Variants in COL5A1 observed in about 807,000 individuals in gnomAD.
COL5A1 encodes the protein collagen alpha-1(V) chain.
Under a neutral mutation model 263.7 loss-of-function variants are expected in COL5A1, and 16 were observed. That is an observed-to-expected ratio of 0.06 (90% confidence interval 0.04 to 0.09). The LOEUF is 0.09. Ranked by LOEUF, COL5A1 falls within the 10% of genes least tolerant of loss-of-function variation. The probability of loss-of-function intolerance (pLI) is 1.00; values close to 1 mark genes in which losing one functional copy is unlikely to be tolerated. For missense variants in COL5A1, 2,036 were observed against 2,540.5 expected (o/e 0.80, Z 4.27); for synonymous variants, 1,012 against 1,004.5 (o/e 1.01, Z -0.14).
chr9:134,842,053 A>T lies in COL5A1; in HGVS notation c.5371-104A>T. The T allele has an allele frequency of 7.3e-7, 1 of 1,375,498 alleles. No individual in the cohort carries two copies. Among genetic ancestry groups the T allele is most frequent in the East Asian group, 2.4e-5 (1 of 42,224 alleles). 85.2% of individuals were successfully genotyped at this position (1,375,498 alleles called of 1,614,324 possible). ...CGCAGCCCTGGGTAGGAGACAGGAC[A>T]CCAGCCTGGGTTTTGGAGCCAGACA... On this transcript the variant is annotated intron_variant, in intron 65 of 65. Coordinates refer to ENST00000371817, the MANE Select transcript of COL5A1 (RefSeq NM_000093.5). The surrounding 1 kb of genome is among the most constrained non-coding windows in gnomAD (Gnocchi z 5.8).
chr9:134,649,657 A>T, intron 1 of COL5A1: 1 of 399,972 alleles, frequency 2.5e-6, no homozygotes, highest in South Asian at 1.9e-5. Flanking sequence ...CAGAAATACC[A>T]TTTGACCTGG....
chr9:134,801,894 G>A (rs1023066065), intron 37 of COL5A1, 60 bp from the exon 38 acceptor site: 2 of 1,502,164 alleles, frequency 1.3e-6, no homozygotes, highest in African/African-American at 1.4e-5. Flanking sequence ...TGAGAACAGT[G>A]CAGGGCAGGG....
intron 18 of COL5A1, among the ~76,000 whole-genome samples, chr9:134,759,196 A>T (rs572820634): frequency 4.0e-5 from 6 of 151,172 alleles, no homozygotes; most frequent in Admixed American, 1.3e-4. Context: ...TGAGTATGTG[A>T]GTGCACACCC....
chr9:134,810,405 T>A (rs751392397), intron 44 of COL5A1, 97 bp downstream of exon 44: 397 of 1,186,234 alleles, frequency 3.3e-4, no homozygotes, highest in Non-Finnish European at 4.6e-4. Context: ...CTTCCAACGT[T>A]GCTGATGACT....
At position 134,731,510 on chromosome 9, in the gene COL5A1, A is replaced by G. The variant is rs764511072; in HGVS notation, c.1179A>G (p.Pro393=). The stretch of plus-strand genomic sequence containing the variant: ...TCCCTCTGCAGCCAGCTCCGCCTCC[A>G]GGGGAAGGTGCGGATGACTTGGAGG... ...TSNSSNPAPP[P]GEGADDLEGE... is the part of the protein sequence containing the mutation. Residue 393 remains proline (P), a synonymous_variant, in exon 8 of 66, where the codon CCA becomes CCG. Transcript: ENST00000371817. The G allele has an allele frequency of 3.7e-6, 6 of 1,614,188 alleles. No individual in the cohort carries two copies. The highest frequency in any genetic ancestry group is 1.6e-4 in the Middle Eastern group (1 of 6,062).
intron 32 of COL5A1, 71 bp from the exon 33 acceptor site, chr9:134,795,011 G>C: frequency 6.5e-7 from 1 of 1,541,256 alleles, no homozygotes; most frequent in Non-Finnish European, 9.0e-7. Flanking sequence ...TCAATAACCC[G>C]GGAGACAGCT....
At chr9:134,728,329 G>C (rs1009848347) in intron 5 of COL5A1, among the ~76,000 whole-genome samples, 9 of 152,258 alleles carry the variant, frequency 5.9e-5, no homozygotes, top group African/African-American at 1.9e-4. Flanking sequence ...GAGCCTGCTG[G>C]AGACATGGTG....
intron 37 of COL5A1, among the ~76,000 whole-genome samples, chr9:134,800,482 C>T (rs1469226022): frequency 6.6e-6 from 1 of 152,200 alleles, no homozygotes; most frequent in Non-Finnish European, 1.5e-5. Context: ...CAGTGGCTCA[C>T]GCCTGCAATC....
intron 4 of COL5A1, among the ~76,000 whole-genome samples, chr9:134,711,797 A>G (rs1269878130): frequency 6.6e-6 from 1 of 151,898 alleles, no homozygotes; most frequent in Non-Finnish European, 1.5e-5. Flanking sequence ...CTCCTGATCC[A>G]AATCCCCGCT....
chr9:134,842,020 C>G lies in COL5A1; in HGVS notation c.5371-137C>G. ...AGCCATATTTCCTCCAACACTTGCC[C>G]GGGCAAGCGCAGCCCTGGGTAGGAG... On this transcript the variant is annotated intron_variant, in intron 65 of 65. Coordinates refer to ENST00000371817, the MANE Select transcript of COL5A1 (RefSeq NM_000093.5). This position sits in a 1 kb window ranked among gnomAD's most constrained non-coding sequence, Gnocchi z 5.8. The G allele has an allele frequency of 2.1e-6, 2 of 946,062 alleles. No homozygotes were observed. Among genetic ancestry groups the G allele is most frequent in the Non-Finnish European group, 1.7e-6 (1 of 599,682 alleles). 58.6% of individuals were successfully genotyped at this position (946,062 alleles called of 1,614,324 possible).
chr9:134,761,964 G>A lies in COL5A1; in HGVS notation c.1975G>A (p.Asp659Asn), dbSNP rs1488529426. The A allele has an allele frequency of 6.2e-6, 10 of 1,613,566 alleles. 1 individual carries two copies. In the South Asian group the frequency reaches 9.9e-5, roughly 16 times the overall value. Residue 659 changes from aspartate (D) to asparagine (N), a missense_variant, in exon 19 of 66, where the codon GAC (aspartate) becomes AAC (asparagine). By Grantham distance (23) the Asp-to-Asn change is conservative. Coordinates refer to ENST00000371817, the MANE Select transcript of COL5A1 (RefSeq NM_000093.5). ...GPSGPPGPPG[D>N]DGERGDDGEV... ...TTCCGGCCCACCAGGACCTCCGGGA[G>A]ACGATGGAGAAAGGGTAGGTATTCT...
At chr9:134,658,162 G>A (rs1341898711) in intron 1 of COL5A1, among the ~76,000 whole-genome samples, 2 of 152,060 alleles carry the variant, frequency 1.3e-5, no homozygotes, top group African/African-American at 4.8e-5. Context: ...GGGGCTTTCT[G>A]CCCAGGGCAG....
At chr9:134,666,254 A>G (rs1475661736) in intron 1 of COL5A1, among the ~76,000 whole-genome samples, 9 of 152,072 alleles carry the variant, frequency 5.9e-5, no homozygotes, top group Admixed American at 2.6e-4. Flanking sequence ...TCATCCACTC[A>G]TTTTACAGGT....
chr9:134,759,712 A>C (rs536667009), intron 18 of COL5A1, among the ~76,000 whole-genome samples: 1,243 of 55,272 alleles, frequency 0.022, 17 homozygotes, highest in Non-Finnish European at 0.031. Flanking sequence ...ACATGCACAC[A>C]CCCCCCCACC....
intron 32 of COL5A1, among the ~76,000 whole-genome samples, chr9:134,793,193 CTCT>C (rs1837780532): frequency 6.6e-6 from 1 of 151,802 alleles, no homozygotes; most frequent in Non-Finnish European, 1.5e-5. Context: ...GAAAGACCCG[CTCT>C]TCAGATGCAC....
chr9:134,822,880 G>A, intron 59 of COL5A1, 118 bp from the exon 60 acceptor site: 2 of 1,143,478 alleles, frequency 1.7e-6, no homozygotes, highest in Admixed American at 1.8e-5. Flanking sequence ...ATAGACTCTT[G>A]AGGGGGATGC....
Position 134,798,395 on chromosome 9 carries a change from G to A in COL5A1, c.2899-13G>A. 6.2e-7 allele frequency: 1 copy of A among 1,614,000 alleles called. No homozygotes were observed. The highest frequency in any genetic ancestry group is 8.5e-7 in the Non-Finnish European group (1 of 1,179,870). On this transcript the variant is annotated splice_polypyrimidine_tract_variant and intron_variant, in intron 36 of 65. Coordinates refer to ENST00000371817, the MANE Select transcript of COL5A1 (RefSeq NM_000093.5). ...ACACGAATGAACCTCCTTTCCTTTG[G>A]TTTTTTCTTCAGGGCCCTCCAGGCA...
intron 9 of COL5A1, among the ~76,000 whole-genome samples, chr9:134,732,915 C>CA (rs1834950868): frequency 6.6e-6 from 1 of 152,166 alleles, no homozygotes; most frequent in Non-Finnish European, 1.5e-5. Flanking sequence ...CTTGATGCCC[C>CA]GCCCCGCCGC....
At position 134,796,365 on chromosome 9, in the gene COL5A1, C is replaced by A. The variant is rs1554801675; in HGVS notation, c.2800-9C>A. On this transcript the variant is annotated splice_polypyrimidine_tract_variant and intron_variant, in intron 34 of 65. Transcript: ENST00000371817. The stretch of plus-strand genomic sequence containing the variant: ...CATAAGCTTTTCCCCCCTCTCCTTC[C>A]CTCTCAAGGGCAACTCCGGAGGTGA... 1 of 1,613,956 alleles carries A rather than the reference C, an allele frequency of 6.2e-7. No individual in the cohort carries two copies. The highest frequency in any genetic ancestry group is 8.5e-7 in the Non-Finnish European group (1 of 1,179,928).
Sources: gnomAD v4.1 joint callset for allele counts (sites outside exome capture counted in the v4.1 genomes callset) on GRCh38, gnomAD v4.1.1 for gene constraint, Gnocchi (gnomAD v3.1) non-coding constraint, MANE v1.5 for transcripts, NCBI Gene and HGNC (gene_info 2026-07-23, HGNC 2026-07-21) for gene names.